The following HYCC1 variants were observed in gnomAD, a reference collection of about 807,000 sequenced individuals.
HYCC1 encodes the protein hyccin PI4KA lipid kinase complex subunit 1.
chr7:22,963,869 T>C, the HYCC1 span, among the ~76,000 whole-genome samples: 160 of 152,222 alleles, frequency 1.1e-3, 2 homozygotes, highest in East Asian at 0.027. Flanking sequence ...GTGAATATAA[T>C]GCAAAGTAAA....
At chr7:23,009,808 C>T in the HYCC1 span, among the ~76,000 whole-genome samples, 1 of 152,068 alleles carries the variant, frequency 6.6e-6, no homozygotes, top group Non-Finnish European at 1.5e-5. Context: ...AGGCATATAT[C>T]CAAAGGGCAA....
At chr7:23,005,817 A>C in the HYCC1 span, among the ~76,000 whole-genome samples, 1 of 152,014 alleles carries the variant, frequency 6.6e-6, no homozygotes, top group Non-Finnish European at 1.5e-5. Context: ...CCAATTTTCT[A>C]TATTTCTCCA....
chr7:22,950,882 CCACA>C, the HYCC1 span, among the ~76,000 whole-genome samples: 3 of 150,964 alleles, frequency 2.0e-5, no homozygotes, highest in Middle Eastern at 6.8e-3. Context: ...CATGATTAAT[CCACA>C]CCTTAAAAAA....
At chr7:22,919,381 T>G in the HYCC1 span, among the ~76,000 whole-genome samples, 1 of 152,034 alleles carries the variant, frequency 6.6e-6, no homozygotes, top group Non-Finnish European at 1.5e-5. Context: ...ACACAAAAAT[T>G]ACCCAGGTGT....
the HYCC1 span, among the ~76,000 whole-genome samples, chr7:22,954,682 T>C: frequency 6.7e-6 from 1 of 148,282 alleles, no homozygotes; most frequent in South Asian, 2.2e-4. Context: ...TATAATTAAA[T>C]ATTCTAAAAT....
chr7:22,937,944 G>A, the HYCC1 span: 2 of 152,166 alleles, frequency 1.3e-5, no homozygotes, highest in Admixed American at 6.5e-5. Context: ...CAGTTAGCAT[G>A]CCGTACTTAT....
the HYCC1 span, chr7:22,976,595 T>A: frequency 1.3e-5 from 10 of 790,570 alleles, no homozygotes; most frequent in Non-Finnish European, 2.2e-5. Flanking sequence ...AAATAAATTG[T>A]CACACACAAC....
chr7:23,011,975 T>C, the HYCC1 span, among the ~76,000 whole-genome samples: 18 of 152,190 alleles, frequency 1.2e-4, no homozygotes, highest in African/African-American at 2.4e-5. Flanking sequence ...ACTGACTACA[T>C]AGTATTATAA....
At chr7:23,002,365 T>C in the HYCC1 span, among the ~76,000 whole-genome samples, 1 of 151,794 alleles carries the variant, frequency 6.6e-6, no homozygotes, top group Non-Finnish European at 1.5e-5. Flanking sequence ...CACAAGCAAT[T>C]AGCTCAAATC....
At chr7:22,909,602 C>A in the HYCC1 span, among the ~76,000 whole-genome samples, 3 of 152,168 alleles carry the variant, frequency 2.0e-5, no homozygotes, top group Non-Finnish European at 2.9e-5. Context: ...ATCCTTCTAG[C>A]GGGTTATTAA....
At chr7:22,991,127 C>T in the HYCC1 span, 1 of 1,605,130 alleles carries the variant, frequency 6.2e-7, no homozygotes, top group East Asian at 2.2e-5. Flanking sequence ...CACATCTGTT[C>T]TAAACCTTCA....
chr7:22,898,428 G>C, the HYCC1 span, among the ~76,000 whole-genome samples: 17 of 151,332 alleles, frequency 1.1e-4, no homozygotes, highest in Non-Finnish European at 2.1e-4. Flanking sequence ...TGGTCAGGCT[G>C]GTCTTGAACT....
the HYCC1 span, among the ~76,000 whole-genome samples, chr7:22,987,623 T>C: frequency 6.6e-6 from 1 of 152,164 alleles, no homozygotes; most frequent in African/African-American, 2.4e-5. Flanking sequence ...AAATTTTCAA[T>C]TTCAAAAATT....
the HYCC1 span, among the ~76,000 whole-genome samples, chr7:22,925,364 C>T: frequency 6.6e-6 from 1 of 151,898 alleles, no homozygotes; most frequent in African/African-American, 2.4e-5. Flanking sequence ...GAGGAAGGCT[C>T]CAGAAGATCA....
At chr7:22,899,799 T>C in the HYCC1 span, among the ~76,000 whole-genome samples, 1 of 152,214 alleles carries the variant, frequency 6.6e-6, no homozygotes, top group Admixed American at 6.5e-5. Context: ...ACCTTCTTTT[T>C]AAAATGGGAA....
chr7:23,008,515 T>C, the HYCC1 span, among the ~76,000 whole-genome samples: 5 of 152,062 alleles, frequency 3.3e-5, no homozygotes, highest in Admixed American at 2.0e-4. Flanking sequence ...TCTTTTAGGA[T>C]CCTAACTGCC....
the HYCC1 span, among the ~76,000 whole-genome samples, chr7:23,002,150 A>ATATATATATATACACACAAT: frequency 3.6e-5 from 1 of 27,500 alleles, no homozygotes; most frequent in African/African-American, 1.9e-4. Flanking sequence ...ATATATATAT[A>ATATATATATATACACACAAT]TATATATATA....
the HYCC1 span, among the ~76,000 whole-genome samples, chr7:22,998,408 C>T: frequency 6.6e-6 from 1 of 152,058 alleles, no homozygotes; most frequent in Non-Finnish European, 1.5e-5. Context: ...GGAACTATGG[C>T]ACTACGATGA....
the HYCC1 span, among the ~76,000 whole-genome samples, chr7:22,925,261 A>G: frequency 6.6e-6 from 1 of 152,350 alleles, no homozygotes; most frequent in South Asian, 2.1e-4. Context: ...CGGAAACTCT[A>G]AAAATCAGAG....
Sources: allele counts gnomAD v4.1 joint callset (sites outside exome capture counted in the v4.1 genomes callset), GRCh38; gene constraint gnomAD v4.1.1; transcripts MANE v1.5; gene names NCBI Gene and HGNC (gene_info 2026-07-23, HGNC 2026-07-21).